GRK7: variants seen among roughly 807,000 people sequenced by gnomAD.
GRK7 encodes rhodopsin kinase GRK7.
Under a neutral mutation model 34.1 loss-of-function variants are expected in GRK7, and 24 were observed. The observed-to-expected ratio is 0.70, with a 90% CI of 0.51 to 0.99. The LOEUF is 0.99. GRK7 is among the 50% of genes least tolerant of loss of function. The pLI is 0.00. For synonymous variants in GRK7, 256 were observed against 279.4 expected (o/e 0.92, Z 0.84); for missense variants, 644 against 707.3 (o/e 0.91, Z 1.02).
the GRK7 span, among the ~76,000 whole-genome samples, chr3:141,751,899 T>A: frequency 6.6e-6 from 1 of 152,228 alleles, no homozygotes; most frequent in Non-Finnish European, 1.5e-5. Context: ...CGATGATCCA[T>A]TCTATTTTCT....
intron 4 of GRK7, among the ~76,000 whole-genome samples, chr3:141,807,164 A>G (rs1309306404): frequency 1.3e-5 from 2 of 152,314 alleles, no homozygotes; most frequent in Middle Eastern, 3.4e-3. Flanking sequence ...CAGAGTAAGA[A>G]ACATGATAGA....
rs1278472651 is a variant in GRK7 at position 141,817,054 on chromosome 3, GCT to G, written c.*9_*10del. 2 of 1,582,878 alleles carry G rather than the reference GCT, an allele frequency of 1.3e-6. No homozygotes were observed. The highest frequency in any genetic ancestry group is 8.6e-7 in the Non-Finnish European group (1 of 1,168,316). On this transcript the variant is annotated 3_prime_UTR_variant, in exon 6 of 6. Coordinates refer to ENST00000682958, the MANE Select transcript of GRK7 (RefSeq NM_139209.3). ...TGGCGTGTGTTTGTTATTGTAAATT[GCT>G]CTCTTTACCAGACAGGCAGCAGGAG...
intron 4 of GRK7, among the ~76,000 whole-genome samples, chr3:141,793,374 C>T (rs72982452): frequency 0.061 from 9,264 of 152,230 alleles, 927 homozygotes; most frequent in African/African-American, 0.21. Flanking sequence ...TAGAGGACAT[C>T]CAGCTCGCAT....
At chr3:141,766,474 A>G (rs943915242) in intron 1 of GRK7, among the ~76,000 whole-genome samples, 1 of 152,110 alleles carries the variant, frequency 6.6e-6, no homozygotes, top group Non-Finnish European at 1.5e-5. Flanking sequence ...GTTTTTTCTT[A>G]TAACTTCCTT....
At chr3:141,799,202 G>A (rs1710924557) in intron 4 of GRK7, among the ~76,000 whole-genome samples, 1 of 152,174 alleles carries the variant, frequency 6.6e-6, no homozygotes, top group African/African-American at 2.4e-5. Context: ...CTGGGCAAAT[G>A]GGGAGAGGGA....
the GRK7 span, among the ~76,000 whole-genome samples, chr3:141,750,393 C>T: frequency 1.3e-5 from 2 of 152,320 alleles, no homozygotes; most frequent in Admixed American, 1.3e-4. Context: ...TCATAGTCAG[C>T]GCAGCTTGAA....
chr3:141,816,136 A>G (rs1711150175), intron 5 of GRK7, among the ~76,000 whole-genome samples: 1 of 152,204 alleles, frequency 6.6e-6, no homozygotes, highest in African/African-American at 2.4e-5. Context: ...GGGTTTGATA[A>G]TAATAATCAT....
chr3:141,770,858 C>T (rs758290200), intron 1 of GRK7, among the ~76,000 whole-genome samples: 10 of 152,020 alleles, frequency 6.6e-5, no homozygotes, highest in Non-Finnish European at 1.5e-4. Flanking sequence ...AGGCATGGTG[C>T]TCACACCTGT....
chr3:141,779,409 C>CAAAAAAAAAAAAAAAAAAAAA (rs10626329), intron 3 of GRK7, among the ~76,000 whole-genome samples: 3 of 96,448 alleles, frequency 3.1e-5, no homozygotes, highest in Non-Finnish European at 5.9e-5. Flanking sequence ...GAGCAAGACT[C>CAAAAAAAAAAAAAAAAAAAAA]AAAAAAAAAA....
At chr3:141,816,156 T>C (rs972226351) in intron 5 of GRK7, among the ~76,000 whole-genome samples, 1 of 152,196 alleles carries the variant, frequency 6.6e-6, no homozygotes, top group Non-Finnish European at 1.5e-5. Context: ...TAGTCTTGAG[T>C]ACTAAATTTA....
In GRK7 at chr3:141,817,213, TTTTC is replaced by T. The variant is rs1380074473; in HGVS notation, c.*167_*170del. 1 of 521,642 alleles carries T rather than the reference TTTTC, an allele frequency of 1.9e-6. No individual in the cohort carries two copies. The highest frequency in any genetic ancestry group is 3.3e-6 in the Non-Finnish European group (1 of 301,406). The allele number at this position is 521,642 out of a possible 1,614,324, so 32.3% of individuals were successfully genotyped here. On this transcript the variant is annotated 3_prime_UTR_variant, in exon 6 of 6. Transcript: ENST00000682958. ...AAGCTCACTACTAGAACACATTTTA[TTTTC>T]TTTTTCTTTCTTCATAAAGATGAGT...
intron 4 of GRK7, among the ~76,000 whole-genome samples, chr3:141,806,571 A>G (rs1447826328): frequency 6.6e-6 from 1 of 151,888 alleles, no homozygotes; most frequent in Non-Finnish European, 1.5e-5. Context: ...TCAAAAATAT[A>G]TATATATATA....
chr3:141,800,020 T>G (rs887420952), intron 4 of GRK7, among the ~76,000 whole-genome samples: 3 of 152,194 alleles, frequency 2.0e-5, no homozygotes, highest in African/African-American at 7.2e-5. Flanking sequence ...TAAATGTTGC[T>G]GAATAGAACT....
intron 5 of GRK7, among the ~76,000 whole-genome samples, chr3:141,813,434 C>T (rs1233727383): frequency 6.6e-6 from 1 of 152,098 alleles, no homozygotes; most frequent in Non-Finnish European, 1.5e-5. Context: ...GCCTAAAAAT[C>T]TATTTTTGAA....
At chr3:141,756,176 G>A in the GRK7 span, among the ~76,000 whole-genome samples, 38 of 152,240 alleles carry the variant, frequency 2.5e-4, 1 homozygote, top group East Asian at 4.1e-3. Flanking sequence ...GCCAGGTGTG[G>A]TGGTGCATGC....
chr3:141,793,539 T>C (rs1328184236), intron 4 of GRK7, among the ~76,000 whole-genome samples: 1 of 152,054 alleles, frequency 6.6e-6, no homozygotes, highest in African/African-American at 2.4e-5. Context: ...CGGCAGGCGG[T>C]GGGGACTAAG....
In GRK7 at chr3:141,785,938, C is replaced by CA. The variant is rs11328714; in HGVS notation, c.1050+5144dup. 6.5e-4 allele frequency among the ~76,000 whole-genome samples: 88 copies of CA among 135,862 alleles called. 1 individual carries two copies. Among genetic ancestry groups the CA allele is most frequent in the Admixed American group, 2.1e-3 (28 of 13,320 alleles). The allele number at this position is 135,862 out of a possible 152,430, so 89.1% of individuals were successfully genotyped here. On this transcript the variant is annotated intron_variant, in intron 4 of 5. Coordinates refer to ENST00000682958, the MANE Select transcript of GRK7 (RefSeq NM_139209.3). ...TGGGTGACAGAACAATACCCTGTCT[C>CA]AAAAAAAAAAAAAAAAATCTTTTGG...
chr3:141,767,387 T>C (rs965084450), intron 1 of GRK7, among the ~76,000 whole-genome samples: 2 of 151,354 alleles, frequency 1.3e-5, no homozygotes, highest in Non-Finnish European at 2.9e-5. Context: ...TCTGTTGGTT[T>C]TGTGTTTTGT....
intron 2 of GRK7, among the ~76,000 whole-genome samples, chr3:141,777,286 C>G (rs1209967203): frequency 7.0e-6 from 1 of 143,724 alleles, no homozygotes; most frequent in Non-Finnish European, 1.5e-5. Context: ...TCTGCTTATA[C>G]TGCTTCATGG....
Sources: allele counts gnomAD v4.1 joint callset (sites outside exome capture counted in the v4.1 genomes callset), GRCh38; gene constraint gnomAD v4.1.1; transcripts MANE v1.5; gene names NCBI Gene and HGNC (gene_info 2026-07-23, HGNC 2026-07-21).